COL4A1: variants seen among roughly 807,000 people sequenced by gnomAD.
COL4A1 encodes collagen alpha-1(IV) chain.
COL4A1 carries 40 observed loss-of-function variants against 216.6 expected under a neutral mutation model. That is an observed-to-expected ratio of 0.18 (90% CI 0.14 to 0.24). The LOEUF is 0.24. Ranked by LOEUF, COL4A1 falls within the 10% of genes least tolerant of loss-of-function variation. The probability of loss-of-function intolerance (pLI) is 1.00; values close to 1 mark genes in which losing one functional copy is unlikely to be tolerated. For missense variants in COL4A1, 1,628 were observed against 2,196.8 expected, an observed-to-expected ratio of 0.74 and a Z score of 5.18; for synonymous variants, 839 against 810.7, an observed-to-expected ratio of 1.03 and a Z score of -0.59.
rs770790869 is a variant in COL4A1, at chr13:110,155,314, G to A, written c.4724C>T (p.Ser1575Phe). ...AAAAGAGTAGCCGATCCACAGCGAG[G>A]ACCACCCGCTGGGGCACGGTGGGAT... ...IQIPPCPSGW[S>F]SLWIGYSFVM... is the part of the protein sequence containing the mutation. The change falls in exon 50 of 52, where the codon TCC becomes TTC. Residue 1575 changes from serine to phenylalanine, a missense_variant. Ser to Phe is a radical substitution (Grantham distance 155, BLOSUM62 -2). Transcript: ENST00000375820. 8 of 1,613,846 alleles carry A rather than the reference G, an allele frequency of 5.0e-6. No individual in the cohort carries two copies. Among genetic ancestry groups the A allele is most frequent in the South Asian group, 1.1e-5 (1 of 91,080 alleles).
chr13:110,159,554 T>A (rs1767374967), intron 49 of COL4A1, among the ~76,000 whole-genome samples: 1 of 152,150 alleles, frequency 6.6e-6, no homozygotes, highest in South Asian at 2.1e-4. Context: ...GTTTCTCAAA[T>A]AACTAAAAAT....
rs575521156 is a variant in COL4A1, at chr13:110,210,285, T to C, written c.469-73A>G. 41 of 1,418,552 alleles carry C rather than the reference T, an allele frequency of 2.9e-5. No homozygotes were observed. In the African/African-American group the frequency reaches 5.2e-4, roughly 18 times the overall value. 87.9% of individuals were successfully genotyped at this position (1,418,552 alleles called of 1,614,324 possible). On this transcript the variant is annotated intron_variant, in intron 8 of 51. Transcript: ENST00000375820. ...TGTAAAGAAGCTGAAAACTCTTTGA[T>C]AGTTGGCATATATTAGTGTTACAGG...
intron 1 of COL4A1, among the ~76,000 whole-genome samples, chr13:110,300,880 GA>G (rs1426020445): frequency 6.6e-6 from 1 of 152,170 alleles, no homozygotes; most frequent in Non-Finnish European, 1.5e-5. Context: ...AAGTGGCCTG[GA>G]AAAGATTGCT....
intron 48 of COL4A1, among the ~76,000 whole-genome samples, 196 bp from the exon 49 acceptor site, chr13:110,161,565 T>G (rs1044020742): frequency 1.7e-4 from 26 of 152,264 alleles, no homozygotes; most frequent in Admixed American, 1.7e-3. Flanking sequence ...AAGAAACCTT[T>G]TCCTAAAGCT....
chr13:110,173,348 G>A (rs1194705828), intron 40 of COL4A1, among the ~76,000 whole-genome samples: 1 of 152,098 alleles, frequency 6.6e-6, no homozygotes, highest in Non-Finnish European at 1.5e-5. Context: ...GTCCCCCCAA[G>A]TCAGGGGTAA....
At position 110,161,383 on chromosome 13, in the gene COL4A1, A is replaced by C. The variant is rs1487439471; in HGVS notation, c.4463-14T>G. On this transcript the variant is annotated splice_polypyrimidine_tract_variant and intron_variant, in intron 48 of 51. Transcript: ENST00000375820. ...TGCCGGCCGTGCCTAGACAAGGAAG[A>C]AGACAATGTGAGATGTTTCCTTTAT... 1 of 1,600,372 alleles carries C rather than the reference A, an allele frequency of 6.2e-7. No homozygotes were observed. Among genetic ancestry groups the C allele is most frequent in the South Asian group, 1.1e-5 (1 of 89,596 alleles).
intron 1 of COL4A1, among the ~76,000 whole-genome samples, chr13:110,302,033 T>C (rs1183033224): frequency 6.6e-6 from 1 of 152,062 alleles, no homozygotes; most frequent in Non-Finnish European, 1.5e-5. Flanking sequence ...GGCAGGGCCA[T>C]GAGGGTTCAG....
At chr13:110,202,585 G>C (rs1343775094) in intron 18 of COL4A1, among the ~76,000 whole-genome samples, 2 of 152,268 alleles carry the variant, frequency 1.3e-5, no homozygotes, top group East Asian at 3.9e-4. Context: ...TGGGCTGTGT[G>C]AACGCATTAC....
At chr13:110,249,807 G>A (rs1206080531) in intron 1 of COL4A1, among the ~76,000 whole-genome samples, 1 of 152,058 alleles carries the variant, frequency 6.6e-6, no homozygotes, top group African/African-American at 2.4e-5. Context: ...GTAAAATATA[G>A]GCCAAATGTT....
chr13:110,210,022 C>T lies in COL4A1; in HGVS notation c.573G>A (p.Gly191=). The stretch of plus-strand genomic sequence containing the variant: ...CTGGAGGCCCAACAGGACCTTGAAG[C>T]CCTGGCAGTCCTGGTGGGCCCTAGA... The part of the protein sequence containing the change: ...PGTPGPPGLP[G]LQGPVGPPGF... Residue 191 remains glycine, a synonymous_variant, in exon 10 of 52, where the codon GGG becomes GGA. Transcript: ENST00000375820. 8 of 1,614,158 alleles carry T rather than the reference C, an allele frequency of 5.0e-6. No homozygotes were observed. Among genetic ancestry groups the T allele is most frequent in the African/African-American group, 4.0e-5 (3 of 75,036 alleles).
chr13:110,241,528 C>T (rs1881567479), intron 2 of COL4A1, among the ~76,000 whole-genome samples: 1 of 152,144 alleles, frequency 6.6e-6, no homozygotes, highest in South Asian at 2.1e-4. Flanking sequence ...CTTGCGTCTA[C>T]TTTAAAATAA....
At chr13:110,197,993 T>C (rs1878981791) in intron 21 of COL4A1, among the ~76,000 whole-genome samples, 1 of 152,164 alleles carries the variant, frequency 6.6e-6, no homozygotes, top group Non-Finnish European at 1.5e-5. Flanking sequence ...TGTTACATGT[T>C]CACCTTTTCT....
intron 1 of COL4A1, 126 bp from the exon 2 acceptor site, chr13:110,242,860 A>G: frequency 2.0e-6 from 2 of 1,024,464 alleles, no homozygotes; most frequent in Admixed American, 1.7e-5. Context: ...TTCGGACACA[A>G]TCTTATCTGC....
At chr13:110,190,112 T>C (rs1878565588) in intron 24 of COL4A1, among the ~76,000 whole-genome samples, 1 of 152,158 alleles carries the variant, frequency 6.6e-6, no homozygotes, top group Non-Finnish European at 1.5e-5. Flanking sequence ...TAATTTTTTA[T>C]TTTAACAATG....
At chr13:110,210,755 C>T (rs534160172) in intron 8 of COL4A1, among the ~76,000 whole-genome samples, 25 of 152,266 alleles carry the variant, frequency 1.6e-4, no homozygotes, top group Non-Finnish European at 2.8e-4. Flanking sequence ...GCAAATGGCC[C>T]TCCATAATGC....
chr13:110,268,470 C>T lies in COL4A1; in HGVS notation c.85-25736G>A, dbSNP rs973462054. On this transcript the variant is annotated intron_variant, in intron 1 of 51. Transcript: ENST00000375820. This position sits in a 1 kb window ranked among gnomAD's most constrained non-coding sequence, Gnocchi z 4.1. ...CTCGCCAGTCCAAGTGAGCTTTTAA[C>T]AAAAATGTGTCGAGTAAAAGAATGA... 6.6e-6 allele frequency among the ~76,000 whole-genome samples: 1 copy of T among 152,250 alleles called. No individual in the cohort carries two copies. The highest frequency in any genetic ancestry group is 1.5e-5 in the Non-Finnish European group (1 of 68,046).
chr13:110,253,632 A>G (rs5026043), intron 1 of COL4A1, among the ~76,000 whole-genome samples: 121,353 of 131,864 alleles, frequency 0.92, 56,400 homozygotes, highest in East Asian at 0.99. Flanking sequence ...ATAATTATAT[A>G]TGTATGTATG....
At chr13:110,297,658 A>T (rs981900947) in intron 1 of COL4A1, among the ~76,000 whole-genome samples, 1 of 152,232 alleles carries the variant, frequency 6.6e-6, no homozygotes, top group African/African-American at 2.4e-5. Flanking sequence ...TGGAGCCAGA[A>T]GAGAACAGTG....
chr13:110,301,442 C>A (rs1385343473), intron 1 of COL4A1, among the ~76,000 whole-genome samples: 4 of 152,238 alleles, frequency 2.6e-5, no homozygotes, highest in African/African-American at 9.6e-5. Flanking sequence ...ACAACCAGCA[C>A]CGCTCGAGTG....
Sources: allele counts gnomAD v4.1 joint callset (sites outside exome capture counted in the v4.1 genomes callset), GRCh38; gene constraint gnomAD v4.1.1; non-coding constraint Gnocchi (gnomAD v3.1); transcripts MANE v1.5; gene names NCBI Gene and HGNC (gene_info 2026-07-23, HGNC 2026-07-21).